Variants in NDST3 observed in about 807,000 individuals in gnomAD.
The protein encoded by NDST3 is N-deacetylase and N-sulfotransferase 3, also known as bifunctional heparan sulfate N-deacetylase/N-sulfotransferase 3.
In NDST3, 58 loss-of-function variants were observed where a neutral mutation model predicts 96.1. The ratio of observed to expected loss-of-function variants is 0.60; its 90% CI spans 0.49 to 0.75. The LOEUF (loss-of-function observed/expected upper bound fraction) is 0.75. Among genes scored for constraint, NDST3 ranks in the 30% least tolerant of loss-of-function variants. The pLI is 0.00. For missense variants in NDST3, 788 were observed against 1,034.2 expected, an observed-to-expected ratio of 0.76 and a Z score of 3.27; for synonymous variants, 333 against 359.7, an observed-to-expected ratio of 0.93 and a Z score of 0.84.
At chr4:118,219,322 G>A (rs921413524) in intron 6 of NDST3, among the ~76,000 whole-genome samples, 21 of 152,110 alleles carry the variant, frequency 1.4e-4, no homozygotes, top group South Asian at 2.1e-4. Flanking sequence ...AAAACAGCAC[G>A]GTACTAGTAC....
intron 3 of NDST3, among the ~76,000 whole-genome samples, chr4:118,113,085 T>C (rs1730776097): frequency 6.6e-6 from 1 of 152,156 alleles, no homozygotes; most frequent in Admixed American, 6.5e-5. Context: ...TATTATAAGT[T>C]ACCCAATATT....
chr4:118,194,031 T>A (rs1737497037), intron 6 of NDST3: 2 of 1,372,924 alleles, frequency 1.5e-6, no homozygotes, highest in Admixed American at 3.4e-5. Context: ...TTTTCAAAAC[T>A]CTTGAGGTGT....
chr4:118,039,348 G>A (rs1408574081), intron 1 of NDST3, among the ~76,000 whole-genome samples: 3 of 152,152 alleles, frequency 2.0e-5, no homozygotes, highest in Non-Finnish European at 4.4e-5. Context: ...AAGATGGTTT[G>A]ACTTAAATAC....
chr4:118,048,769 C>A (rs1466172700), intron 1 of NDST3, among the ~76,000 whole-genome samples: 1 of 151,952 alleles, frequency 6.6e-6, no homozygotes, highest in Non-Finnish European at 1.5e-5. Flanking sequence ...GACAACTATA[C>A]AATAATAATG....
intron 2 of NDST3, among the ~76,000 whole-genome samples, chr4:118,084,721 C>A (rs944949248): frequency 5.3e-5 from 8 of 152,174 alleles, no homozygotes; most frequent in Admixed American, 3.3e-4. Flanking sequence ...TACTATTACA[C>A]TAACACAAAC....
chr4:118,243,419 G>C (rs1015840511), intron 12 of NDST3, among the ~76,000 whole-genome samples: 3 of 152,156 alleles, frequency 2.0e-5, no homozygotes. Context: ...CTTCCTAAGA[G>C]TCATTTATAC....
intron 6 of NDST3, among the ~76,000 whole-genome samples, chr4:118,200,203 A>C (rs1737977419): frequency 6.6e-6 from 1 of 152,176 alleles, no homozygotes; most frequent in South Asian, 2.1e-4. Flanking sequence ...CTAGAGTCAA[A>C]AATCTTAGAA....
intron 2 of NDST3, among the ~76,000 whole-genome samples, chr4:118,059,152 C>T (rs115452457): frequency 6.6e-6 from 1 of 152,026 alleles, no homozygotes; most frequent in Non-Finnish European, 1.5e-5. Flanking sequence ...TAACATTCTT[C>T]GGAAAATGAA....
At chr4:118,187,712 T>C (rs1251267916) in intron 6 of NDST3, among the ~76,000 whole-genome samples, 6 of 152,166 alleles carry the variant, frequency 3.9e-5, no homozygotes, top group Non-Finnish European at 8.8e-5. Context: ...AGCAGACAAT[T>C]CTTGATCCAT....
In NDST3 at chr4:118,054,476, C is replaced by T. The variant is rs1333459242; in HGVS notation, c.566C>T (p.Ala189Val). The change falls in exon 2 of 14, where the codon GCA (alanine) becomes GTA (valine). Residue 189 changes from alanine (A) to valine (V), a missense_variant. Around this residue, in one of 3 missense-constraint regions of NDST3, gnomAD observed 234 missense variants for 256.9 expected, o/e 0.91. Coordinates refer to ENST00000296499, the MANE Select transcript of NDST3 (RefSeq NM_004784.3). ...GFPFSIYGNL[A>V]VKDCCINPHS... Reference sequence around the variant, plus strand: ...CCTTTTTCCATATATGGAAATCTTGCAGTAAAAGATTGTTGTATTAATCCT... The same window carrying T: ...CCTTTTTCCATATATGGAAATCTTGTAGTAAAAGATTGTTGTATTAATCCT... 1 of 1,612,920 alleles carries T rather than the reference C, an allele frequency of 6.2e-7. No homozygotes were observed. Among genetic ancestry groups the T allele is most frequent in the African/African-American group, 1.3e-5 (1 of 74,932 alleles).
intron 6 of NDST3, among the ~76,000 whole-genome samples, chr4:118,149,459 G>A (rs935312526): frequency 9.0e-5 from 13 of 144,086 alleles, no homozygotes; most frequent in African/African-American, 3.2e-4. Context: ...TCTCCTTGAA[G>A]AGGTCCTTCA....
At chr4:118,120,759 C>A (rs1317838192) in intron 4 of NDST3, among the ~76,000 whole-genome samples, 1 of 152,086 alleles carries the variant, frequency 6.6e-6, no homozygotes, top group South Asian at 2.1e-4. Context: ...TTTTCAAAGC[C>A]CCTCACCATC....
At chr4:118,253,905 A>G (rs1240587334) in intron 13 of NDST3, among the ~76,000 whole-genome samples, 1 of 152,214 alleles carries the variant, frequency 6.6e-6, no homozygotes, top group Non-Finnish European at 1.5e-5. Context: ...ACTGAAACCA[A>G]GACAGGAAGT....
intron 10 of NDST3, 125 bp from the exon 11 acceptor site, chr4:118,240,399 A>G (rs1740930079): frequency 2.8e-6 from 2 of 714,628 alleles, no homozygotes; most frequent in Admixed American, 7.6e-5. Flanking sequence ...ACTAATTTCA[A>G]AATAGATAAC....
At chr4:118,070,054 G>A (rs943595584) in intron 2 of NDST3, among the ~76,000 whole-genome samples, 5 of 152,070 alleles carry the variant, frequency 3.3e-5, no homozygotes, top group African/African-American at 1.2e-4. Context: ...TGTACTCTCA[G>A]AGCTCATTTC....
chr4:118,061,033 G>A (rs944262422), intron 2 of NDST3, among the ~76,000 whole-genome samples: 1 of 152,120 alleles, frequency 6.6e-6, no homozygotes, highest in African/African-American at 2.4e-5. Context: ...TCTGTAAAGA[G>A]CAGACAGTCA....
chr4:118,079,213 G>A (rs1178031172), intron 2 of NDST3, among the ~76,000 whole-genome samples: 1 of 152,040 alleles, frequency 6.6e-6, no homozygotes, highest in Non-Finnish European at 1.5e-5. Flanking sequence ...CTAATGAGAG[G>A]AAAAAGACAA....
intron 12 of NDST3, among the ~76,000 whole-genome samples, chr4:118,244,064 C>A (rs1741161958): frequency 6.6e-6 from 1 of 152,176 alleles, no homozygotes; most frequent in Non-Finnish European, 1.5e-5. Flanking sequence ...TCCAGCAGTG[C>A]CACCCAGGCT....
At chr4:118,146,767 C>A (rs1307966644) in intron 6 of NDST3, among the ~76,000 whole-genome samples, 1 of 152,198 alleles carries the variant, frequency 6.6e-6, no homozygotes, top group Non-Finnish European at 1.5e-5. Flanking sequence ...CTCACGTAAG[C>A]TGGATGCAGG....
Sources: gnomAD v4.1 joint callset for allele counts (sites outside exome capture counted in the v4.1 genomes callset) on GRCh38, gnomAD v4.1.1 for gene constraint, gnomAD v4.1.1 regional missense constraint, MANE v1.5 for transcripts, NCBI Gene and HGNC (gene_info 2026-07-23, HGNC 2026-07-21) for gene names.